CCDC68: variants seen among roughly 807,000 people sequenced by gnomAD.
CCDC68 encodes the protein coiled-coil domain containing 68, also known as coiled-coil domain-containing protein 68.
A neutral mutation model predicts 47.1 loss-of-function variants in CCDC68; 45 were observed. That is an observed-to-expected ratio of 0.96 (90% CI 0.75 to 1.23). The LOEUF (loss-of-function observed/expected upper bound fraction) is 1.23, where lower values mean the gene tolerates loss of function less well. Ranked by LOEUF, CCDC68 falls within the 50% of genes most tolerant of loss-of-function variation. The probability of loss-of-function intolerance (pLI) is 0.00; values close to 1 mark genes in which losing one functional copy is unlikely to be tolerated. For synonymous variants in CCDC68, 131 were observed against 129.5 expected, an observed-to-expected ratio of 1.01 and a Z score of -0.08; for missense variants, 353 against 373.6, an observed-to-expected ratio of 0.94 and a Z score of 0.45.
intron 7 of CCDC68, among the ~76,000 whole-genome samples, chr18:54,931,336 A>C: frequency 6.6e-6 from 1 of 152,156 alleles, no homozygotes; most frequent in South Asian, 2.1e-4. Context: ...AGTTCACAGC[A>C]CCACACAGTG....
intron 11 of CCDC68, among the ~76,000 whole-genome samples, chr18:54,905,897 A>G (rs950612272): frequency 2.0e-5 from 3 of 152,180 alleles, no homozygotes; most frequent in Non-Finnish European, 4.4e-5. Flanking sequence ...TTAGAGTCTC[A>G]TAGGTGCACG....
At chr18:54,955,441 C>A (rs2145671955) in intron 1 of CCDC68, among the ~76,000 whole-genome samples, 1 of 152,214 alleles carries the variant, frequency 6.6e-6, no homozygotes, top group South Asian at 2.1e-4. Context: ...ACACTGTCTT[C>A]TTTTTAGGCT....
intron 5 of CCDC68, chr18:54,937,659 A>G (rs2044370767): frequency 4.2e-6 from 1 of 238,942 alleles, no homozygotes; most frequent in South Asian, 6.9e-5. Flanking sequence ...CAGTATTGTT[A>G]ACTATAGACA....
At chr18:54,954,173 A>G (rs572507041) in intron 1 of CCDC68, among the ~76,000 whole-genome samples, 21 of 151,340 alleles carry the variant, frequency 1.4e-4, no homozygotes, top group Middle Eastern at 3.4e-3. Context: ...CTCCTGCCTC[A>G]GCCTCCCGAG....
intron 10 of CCDC68, among the ~76,000 whole-genome samples, chr18:54,917,292 G>C (rs1599035460): frequency 6.6e-6 from 1 of 152,132 alleles, no homozygotes; most frequent in South Asian, 2.1e-4. Context: ...AATGAAGAAA[G>C]GAGGAAAGAG....
At chr18:54,930,676 C>CTCCT (rs2044236981) in intron 7 of CCDC68, among the ~76,000 whole-genome samples, 1 of 18,032 alleles carries the variant, frequency 5.5e-5, no homozygotes, top group African/African-American at 1.9e-4. Context: ...CCTTCCTTCC[C>CTCCT]TCCCTCCCTC....
chr18:54,919,454 T>C, intron 8 of CCDC68, 78 bp from the exon 9 acceptor site: 1 of 1,190,262 alleles, frequency 8.4e-7, no homozygotes, highest in Non-Finnish European at 1.2e-6. Flanking sequence ...CTGCTAGCCC[T>C]CCTACACACT....
intron 7 of CCDC68, among the ~76,000 whole-genome samples, chr18:54,931,873 G>A (rs373302630): frequency 1.3e-5 from 2 of 152,136 alleles, no homozygotes; most frequent in Non-Finnish European, 1.5e-5. Context: ...TTACTGGAGC[G>A]GTGGATTGTT....
chr18:54,952,990 G>C (rs141415043), intron 1 of CCDC68, among the ~76,000 whole-genome samples: 381 of 152,024 alleles, frequency 2.5e-3, no homozygotes, highest in African/African-American at 9.0e-3. Context: ...TCCAGCCTGG[G>C]TGACAGAGTG....
chr18:54,950,788 G>GCATATATATATATATATATATATATATA (rs2044600419), intron 1 of CCDC68, among the ~76,000 whole-genome samples: 1 of 97,304 alleles, frequency 1.0e-5, no homozygotes, highest in Non-Finnish European at 2.1e-5. Context: ...TATCTTCAGT[G>GCATATATATATATATATATATATATATA]TATATATATA....
At chr18:54,957,547 T>C (rs1266883617) in intron 1 of CCDC68, among the ~76,000 whole-genome samples, 5 of 151,850 alleles carry the variant, frequency 3.3e-5, no homozygotes, top group Non-Finnish European at 7.4e-5. Flanking sequence ...TAAATATTGT[T>C]TCAATGAATA....
intron 11 of CCDC68, among the ~76,000 whole-genome samples, chr18:54,905,634 C>A (rs1397394886): frequency 6.6e-6 from 1 of 152,028 alleles, no homozygotes; most frequent in Non-Finnish European, 1.5e-5. Context: ...TTTACCAAAC[C>A]AAACTACCAC....
At chr18:54,927,277 A>G (rs1022044567) in intron 8 of CCDC68, among the ~76,000 whole-genome samples, 5 of 152,178 alleles carry the variant, frequency 3.3e-5, no homozygotes, top group Non-Finnish European at 7.4e-5. Flanking sequence ...AACACCAAAC[A>G]TCCATTTTTC....
rs1345789398 is a variant in CCDC68 at position 54,936,832 on chromosome 18, C to A, written c.471+1G>T. 3 of 1,614,014 alleles carry A rather than the reference C, an allele frequency of 1.9e-6. No homozygotes were observed. The East Asian group carries it at 6.7e-5, about 36-fold the overall frequency. On this transcript the variant is annotated splice_donor_variant, in intron 6 of 11. Transcript: ENST00000591504. LOFTEE classifies it high-confidence loss of function. Reference sequence around the variant, plus strand: ...CAATAGACAAGCTGCATGTTTGGTACCTGGAGTAATTGTTTACTGTCCTCC... The same window carrying A: ...CAATAGACAAGCTGCATGTTTGGTAACTGGAGTAATTGTTTACTGTCCTCC...
chr18:54,941,079 C>G lies in CCDC68; in HGVS notation c.122G>C (p.Arg41Pro). The G allele has an allele frequency of 6.2e-7, 1 of 1,609,430 alleles. No individual in the cohort carries two copies. The highest frequency in any genetic ancestry group is 1.1e-5 in the South Asian group (1 of 90,582). The change falls in exon 4 of 12, where the codon CGA (arginine) becomes CCA (proline). Residue 41 changes from arginine to proline, a missense_variant. Transcript: ENST00000591504. ...GGTCCTGATCTTTTGCAGAGTAGTT[C>G]GAATCTAGAGAAGGAAAACAAAACC... ...IEETEYVKKI[R>P]TTLQKIRTQM...
chr18:54,950,986 G>A (rs1301460161), intron 1 of CCDC68, among the ~76,000 whole-genome samples: 1 of 122,370 alleles, frequency 8.2e-6, no homozygotes, highest in Non-Finnish European at 1.6e-5. Context: ...TCGGCTCACT[G>A]CAAGCTCCGC....
intron 11 of CCDC68, among the ~76,000 whole-genome samples, chr18:54,906,502 G>A (rs1914017777): frequency 6.6e-6 from 1 of 152,138 alleles, no homozygotes; most frequent in African/African-American, 2.4e-5. Context: ...AAGATAACCA[G>A]CTGTTTCATT....
intron 1 of CCDC68, chr18:54,959,086 G>C (rs2044758850): frequency 1.3e-5 from 2 of 152,200 alleles, no homozygotes; most frequent in Admixed American, 6.5e-5. Flanking sequence ...GACTAAGTAG[G>C]GGTTCCTCTC....
At chr18:54,952,108 A>C (rs2044629200) in intron 1 of CCDC68, among the ~76,000 whole-genome samples, 1 of 152,194 alleles carries the variant, frequency 6.6e-6, no homozygotes, top group Non-Finnish European at 1.5e-5. Context: ...GTCAATTCCC[A>C]AGCTTAGTTT....
Sources: allele counts gnomAD v4.1 joint callset (sites outside exome capture counted in the v4.1 genomes callset), GRCh38; gene constraint gnomAD v4.1.1; transcripts MANE v1.5; gene names NCBI Gene and HGNC (gene_info 2026-07-23, HGNC 2026-07-21).